SUCLG2: variants seen among roughly 807,000 people sequenced by gnomAD.
The protein encoded by SUCLG2 is succinate-CoA ligase GDP-forming subunit beta, also known as succinate--CoA ligase [GDP-forming] subunit beta, mitochondrial.
SUCLG2 carries 42 observed loss-of-function variants against 47.9 expected under a neutral mutation model. The ratio of observed to expected loss-of-function variants is 0.88; its 90% confidence interval spans 0.69 to 1.14. The LOEUF is 1.14. Ranked by LOEUF, SUCLG2 falls within the 50% of genes most tolerant of loss-of-function variation. SUCLG2 has a pLI of 0.00. For missense variants in SUCLG2, 571 were observed against 525.9 expected, an observed-to-expected ratio of 1.09 and a Z score of -0.84; for synonymous variants, 195 against 197.3, an observed-to-expected ratio of 0.99 and a Z score of 0.10.
At chr3:67,651,150 C>T (rs576594204) in intron 1 of SUCLG2, among the ~76,000 whole-genome samples, 1 of 152,306 alleles carries the variant, frequency 6.6e-6, no homozygotes, top group East Asian at 1.9e-4. Flanking sequence ...GCCAGCCTAA[C>T]TTAGATTTAT....
rs1244943040 is a variant in SUCLG2, at chr3:67,360,780, G to A, written c.1184-12C>T. The A allele has an allele frequency of 1.3e-5, 19 of 1,507,332 alleles. No homozygotes were observed. The East Asian group carries it at 2.5e-4, about 19-fold the overall frequency. The allele number at this position is 1,507,332 out of a possible 1,614,324, so 93.4% of individuals were successfully genotyped here. A position where few individuals can be genotyped will look rare whatever the true frequency, so the allele number is the denominator to read the frequency against. ...TTCCATAAAAGTACCTGAAATTGGA[G>A]TGAGATTCTTGTAATGAGTTTTTTC... On this transcript the variant is annotated splice_polypyrimidine_tract_variant and intron_variant, in intron 10 of 10. Transcript: ENST00000493112.
chr3:67,558,506 T>A (rs1461804683), intron 2 of SUCLG2, among the ~76,000 whole-genome samples: 1 of 152,282 alleles, frequency 6.6e-6, no homozygotes, highest in South Asian at 2.1e-4. Flanking sequence ...TACATTTGAT[T>A]CCTCACTGTT....
At chr3:67,442,312 G>A (rs1461520990) in intron 9 of SUCLG2, among the ~76,000 whole-genome samples, 1 of 152,156 alleles carries the variant, frequency 6.6e-6, no homozygotes. Flanking sequence ...GCCCGGCCAG[G>A]CTGTCTACTT....
chr3:67,467,838 G>C (rs1414978619), intron 9 of SUCLG2, among the ~76,000 whole-genome samples: 2 of 152,118 alleles, frequency 1.3e-5, no homozygotes, highest in African/African-American at 4.8e-5. Context: ...ACTCACTTGG[G>C]AAAGTCACAG....
At chr3:67,400,059 T>G (rs571771289) in intron 10 of SUCLG2, among the ~76,000 whole-genome samples, 122 of 152,156 alleles carry the variant, frequency 8.0e-4, no homozygotes, top group African/African-American at 2.6e-3. Flanking sequence ...ACTACTCCCA[T>G]TTTGAAAAAC....
chr3:67,625,941 G>A (rs1467507257), intron 1 of SUCLG2, among the ~76,000 whole-genome samples: 1 of 152,008 alleles, frequency 6.6e-6, no homozygotes, highest in Non-Finnish European at 1.5e-5. Context: ...ATAAGAACTA[G>A]ATTGAAGTAG....
chr3:67,438,867 C>T (rs534914252), intron 9 of SUCLG2, among the ~76,000 whole-genome samples: 32 of 152,210 alleles, frequency 2.1e-4, no homozygotes, highest in Admixed American at 1.4e-3. Flanking sequence ...AAAAGAGGGA[C>T]TCCTCCCTAA....
At chr3:67,470,150 C>T (rs1224595076) in intron 9 of SUCLG2, among the ~76,000 whole-genome samples, 1 of 151,760 alleles carries the variant, frequency 6.6e-6, no homozygotes, top group African/African-American at 2.4e-5. Flanking sequence ...TAAATCTGAT[C>T]TAATTCAGGG....
At chr3:67,453,238 GTATTT>G (rs1227671116) in intron 9 of SUCLG2, among the ~76,000 whole-genome samples, 3 of 150,774 alleles carry the variant, frequency 2.0e-5, no homozygotes, top group Non-Finnish European at 4.4e-5. Context: ...TTTTTTATGA[GTATTT>G]TCTTTTAATT....
intron 9 of SUCLG2, among the ~76,000 whole-genome samples, chr3:67,436,649 A>G (rs982675884): frequency 6.6e-6 from 1 of 152,126 alleles, no homozygotes; most frequent in African/African-American, 2.4e-5. Context: ...TATTACTAGA[A>G]ATTTACATGA....
intron 9 of SUCLG2, among the ~76,000 whole-genome samples, chr3:67,476,095 A>T (rs1363555543): frequency 2.6e-5 from 4 of 151,882 alleles, no homozygotes; most frequent in African/African-American, 4.8e-5. Flanking sequence ...CACAATGTTA[A>T]CCTTTAATGT....
rs765919064 is a variant in SUCLG2, at chr3:67,498,201, G to A, written c.852C>T (p.Pro284=). ...CATATTTGGCAGCTTCATTTTCAAT[G>A]GGCTCATTCTCTGATTTGTCGTCCA... The part of the protein sequence containing the change: ...FAMDDKSENE[P]IENEAAKYDL... The change falls in exon 8 of 11, where the codon CCC becomes CCT. Residue 284 remains proline (P), a synonymous_variant. Coordinates refer to ENST00000307227, the MANE Select transcript of SUCLG2 (RefSeq NM_003848.4). The A allele has an allele frequency of 6.2e-7, 1 of 1,613,692 alleles. No homozygotes were observed. Among genetic ancestry groups the A allele is most frequent in the South Asian group, 1.1e-5 (1 of 91,038 alleles).
chr3:67,547,476 C>T (rs145901379), intron 2 of SUCLG2, among the ~76,000 whole-genome samples: 17 of 152,302 alleles, frequency 1.1e-4, no homozygotes, highest in African/African-American at 4.1e-4. Context: ...TACTCTCCTT[C>T]GTCCTCAAGC....
At chr3:67,399,619 A>ATT (rs150658664) in intron 10 of SUCLG2, among the ~76,000 whole-genome samples, 1 of 151,964 alleles carries the variant, frequency 6.6e-6, no homozygotes, top group East Asian at 1.9e-4. Flanking sequence ...AACAAATGTG[A>ATT]TTTTTTTTAT....
chr3:67,401,575 CA>C (rs5849753), intron 9 of SUCLG2, among the ~76,000 whole-genome samples: 54,393 of 121,482 alleles, frequency 0.45, 9,857 homozygotes, highest in Middle Eastern at 0.59. Flanking sequence ...GCATGTGGGC[CA>C]AAAAAAAAAA....
intron 9 of SUCLG2, among the ~76,000 whole-genome samples, chr3:67,411,055 C>G (rs887866357): frequency 3.9e-5 from 6 of 151,924 alleles, no homozygotes; most frequent in African/African-American, 1.5e-4. Context: ...TAGAGAACAC[C>G]CATAAAATTG....
At chr3:67,592,718 C>CAAAAAAAAAAAA (rs754866312) in intron 2 of SUCLG2, among the ~76,000 whole-genome samples, 8 of 80,250 alleles carry the variant, frequency 1.0e-4, no homozygotes, top group African/African-American at 3.6e-4. Flanking sequence ...TCACATCCTC[C>CAAAAAAAAAAAA]AAAAAAAAAA....
At chr3:67,411,570 T>G (rs1182529066) in intron 9 of SUCLG2, among the ~76,000 whole-genome samples, 2 of 152,146 alleles carry the variant, frequency 1.3e-5, no homozygotes, top group African/African-American at 4.8e-5. Flanking sequence ...AGACTAAAAT[T>G]TATATTAAAA....
intron 2 of SUCLG2, among the ~76,000 whole-genome samples, chr3:67,564,750 T>C (rs1046085946): frequency 6.6e-6 from 1 of 152,236 alleles, no homozygotes; most frequent in Admixed American, 6.5e-5. Context: ...GTGTGTTTTA[T>C]ATGTGGCCCA....
Sources: allele counts gnomAD v4.1 joint callset (sites outside exome capture counted in the v4.1 genomes callset), GRCh38; gene constraint gnomAD v4.1.1; transcripts MANE v1.5; gene names NCBI Gene and HGNC (gene_info 2026-07-23, HGNC 2026-07-21).